NRG3: variants seen among roughly 807,000 people sequenced by gnomAD.
The protein encoded by NRG3 is pro-neuregulin-3, membrane-bound isoform.
NRG3 carries 31 observed loss-of-function variants against 66.9 expected under a neutral mutation model. The observed-to-expected ratio is 0.46, with a 90% CI of 0.35 to 0.63. The LOEUF (loss-of-function observed/expected upper bound fraction) is 0.63. Ranked by LOEUF, NRG3 falls within the 20% of genes least tolerant of loss-of-function variation. The pLI is 0.00. For missense variants in NRG3, 910 were observed against 878.9 expected (o/e 1.04, Z -0.45); for synonymous variants, 393 against 359.4 (o/e 1.09, Z -1.06).
chr10:82,838,074 C>A (rs1231715121), intron 3 of NRG3, among the ~76,000 whole-genome samples: 1 of 152,084 alleles, frequency 6.6e-6, no homozygotes, highest in African/African-American at 2.4e-5. Context: ...TCATTTGCTG[C>A]CAATTTATTT....
intron 2 of NRG3, among the ~76,000 whole-genome samples, chr10:82,675,204 A>G (rs996988121): frequency 6.6e-6 from 1 of 151,942 alleles, no homozygotes; most frequent in Non-Finnish European, 1.5e-5. Context: ...TGGTCCGCCC[A>G]CCTCGGCCTC....
chr10:82,978,748 A>C (rs1428035761), intron 7 of NRG3, among the ~76,000 whole-genome samples: 3 of 152,160 alleles, frequency 2.0e-5, no homozygotes, highest in Non-Finnish European at 2.9e-5. Context: ...CCTTTTTCTC[A>C]GTGTCTCCAA....
chr10:82,025,711 TA>T, intron 1 of NRG3, among the ~76,000 whole-genome samples: 1 of 152,130 alleles, frequency 6.6e-6, no homozygotes, highest in Middle Eastern at 3.2e-3. Context: ...TTGGAATTTA[TA>T]TTTCTTAGGT....
At chr10:81,987,021 T>C (rs558594501) in intron 1 of NRG3, among the ~76,000 whole-genome samples, 28 of 152,192 alleles carry the variant, frequency 1.8e-4, no homozygotes, top group Admixed American at 1.7e-3. Flanking sequence ...TTTAAAAAAA[T>C]AGCACATATA....
chr10:82,576,923 A>G (rs1004251842), intron 2 of NRG3, among the ~76,000 whole-genome samples: 5 of 151,796 alleles, frequency 3.3e-5, no homozygotes, highest in Non-Finnish European at 7.4e-5. Context: ...GCTTCCTTCT[A>G]GTGACACCTA....
intron 1 of NRG3, among the ~76,000 whole-genome samples, chr10:82,126,562 T>G (rs2068462830): frequency 6.6e-6 from 1 of 152,132 alleles, no homozygotes; most frequent in African/African-American, 2.4e-5. Context: ...TCATTCTGAC[T>G]GCTGCTCTTT....
At chr10:82,408,460 C>A (rs1242571097) in intron 2 of NRG3, among the ~76,000 whole-genome samples, 1 of 151,950 alleles carries the variant, frequency 6.6e-6, no homozygotes, top group Non-Finnish European at 1.5e-5. Context: ...TTTTAACTAG[C>A]TCATGAAATA....
intron 6 of NRG3, among the ~76,000 whole-genome samples, chr10:82,963,409 G>A (rs1009534241): frequency 6.6e-5 from 10 of 152,174 alleles, no homozygotes; most frequent in African/African-American, 1.4e-4. Context: ...GGCCGGGCGC[G>A]GTGGCTCACG....
chr10:82,096,944 A>G (rs12241207), intron 1 of NRG3, among the ~76,000 whole-genome samples: 4,166 of 152,310 alleles, frequency 0.027, 196 homozygotes, highest in African/African-American at 0.096. Flanking sequence ...ATTTAAAAGA[A>G]AAAATTTAAA....
chr10:82,899,933 G>A (rs1330839237), intron 4 of NRG3, among the ~76,000 whole-genome samples: 1 of 152,158 alleles, frequency 6.6e-6, no homozygotes, highest in Admixed American at 6.5e-5. Flanking sequence ...TTGCTATAAA[G>A]AAACACCTGA....
Position 82,322,160 on chromosome 10 carries a change from T to C in NRG3, c.824-36579T>C, listed in dbSNP as rs189171592. Among the ~76,000 whole-genome samples, 24 of 152,326 alleles carry C rather than the reference T, an allele frequency of 1.6e-4. No homozygotes were observed. The East Asian group carries it at 1.7e-3, about 11-fold the overall frequency. On this transcript the variant is annotated intron_variant, in intron 1 of 8. Coordinates refer to ENST00000372141, the MANE Select transcript of NRG3 (RefSeq NM_001010848.4). ...CTAATGCATAGAGGCAACATCAAAATACGAATGCCTTGCAAAAGATTGCCT... is the reference window on the plus strand; with the variant it reads ...CTAATGCATAGAGGCAACATCAAAACACGAATGCCTTGCAAAAGATTGCCT...
intron 2 of NRG3, among the ~76,000 whole-genome samples, chr10:82,458,803 C>T (rs532606432): frequency 1.8e-4 from 28 of 152,308 alleles, no homozygotes; most frequent in African/African-American, 6.7e-4. Context: ...TGAATACTCA[C>T]ATAAAGCATG....
intron 2 of NRG3, among the ~76,000 whole-genome samples, chr10:82,480,259 T>C (rs149803316): frequency 6.6e-6 from 1 of 152,284 alleles, no homozygotes; most frequent in African/African-American, 2.4e-5. Flanking sequence ...CAGTGGGAAA[T>C]ATCTTAACAT....
At position 82,214,083 on chromosome 10, in the gene NRG3, G is replaced by T. The variant is rs976790223; in HGVS notation, c.824-144656G>T. 3.9e-5 allele frequency among the ~76,000 whole-genome samples: 6 copies of T among 152,112 alleles called. No individual in the cohort carries two copies. The South Asian group carries it at 1.2e-3, about 31-fold the overall frequency. On this transcript the variant is annotated intron_variant, in intron 1 of 8. Transcript: ENST00000372141. ...AGGGAACATTCTGTTCTGACAAAGTGTTTTTTTAAAAGAAAAGAGGCCAAA... is the reference window on the plus strand; with the variant it reads ...AGGGAACATTCTGTTCTGACAAAGTTTTTTTTTAAAAGAAAAGAGGCCAAA...
At chr10:82,188,145 A>G (rs1374656060) in intron 1 of NRG3, among the ~76,000 whole-genome samples, 1 of 152,154 alleles carries the variant, frequency 6.6e-6, no homozygotes, top group Non-Finnish European at 1.5e-5. Flanking sequence ...TAGAGAGCCC[A>G]GAAACAAATA....
intron 3 of NRG3, among the ~76,000 whole-genome samples, chr10:82,865,000 T>G (rs1351398651): frequency 1.3e-5 from 2 of 152,186 alleles, no homozygotes; most frequent in Non-Finnish European, 2.9e-5. Context: ...TCACTTTTAT[T>G]TTTATTATAG....
intron 1 of NRG3, among the ~76,000 whole-genome samples, chr10:81,990,396 T>C (rs941732677): frequency 1.3e-5 from 2 of 152,184 alleles, no homozygotes; most frequent in Non-Finnish European, 2.9e-5. Context: ...TATGAAGTCA[T>C]CTGTATTTTA....
At chr10:82,806,015 T>C (rs2061265095) in intron 3 of NRG3, among the ~76,000 whole-genome samples, 1 of 152,096 alleles carries the variant, frequency 6.6e-6, no homozygotes, top group South Asian at 2.1e-4. Flanking sequence ...CTTTAGGAGA[T>C]TTTATCTAAT....
chr10:82,902,810 T>C (rs1430377362), intron 4 of NRG3, among the ~76,000 whole-genome samples: 1 of 152,146 alleles, frequency 6.6e-6, no homozygotes, highest in Non-Finnish European at 1.5e-5. Flanking sequence ...ACAATAAATG[T>C]ATTGGAAAAT....
Sources: gnomAD v4.1 joint callset for allele counts (sites outside exome capture counted in the v4.1 genomes callset) on GRCh38, gnomAD v4.1.1 for gene constraint, MANE v1.5 for transcripts, NCBI Gene and HGNC (gene_info 2026-07-23, HGNC 2026-07-21) for gene names.